PLCB4: variants seen among roughly 807,000 people sequenced by gnomAD.
PLCB4 encodes phospholipase C beta 4.
PLCB4 carries 77 observed loss-of-function variants against 178.8 expected under a neutral mutation model. That is an observed-to-expected ratio of 0.43 (90% confidence interval 0.36 to 0.52). The LOEUF (loss-of-function observed/expected upper bound fraction) is 0.52. PLCB4 is among the 20% of genes least tolerant of loss of function. The pLI, the probability that PLCB4 is intolerant of heterozygous loss-of-function variation, is 0.00. For synonymous variants in PLCB4, 496 were observed against 490.8 expected, an observed-to-expected ratio of 1.01 and a Z score of -0.14; for missense variants, 1,024 against 1,453.4, an observed-to-expected ratio of 0.70 and a Z score of 4.80.
chr20:9,142,693 T>A (rs2146880418), intron 2 of PLCB4, among the ~76,000 whole-genome samples: 1 of 152,296 alleles, frequency 6.6e-6, no homozygotes, highest in Middle Eastern at 3.4e-3. Flanking sequence ...ATCACCCTTC[T>A]TCACCTGGAT....
At chr20:9,430,109 G>A (rs551647368) in intron 28 of PLCB4, among the ~76,000 whole-genome samples, 1 of 152,128 alleles carries the variant, frequency 6.6e-6, no homozygotes, top group Non-Finnish European at 1.5e-5. Flanking sequence ...AATAAAAAAA[G>A]TTTGTGCATA....
chr20:9,129,026 C>G (rs2092205131), intron 2 of PLCB4, among the ~76,000 whole-genome samples: 1 of 152,192 alleles, frequency 6.6e-6, no homozygotes, highest in African/African-American at 2.4e-5. Flanking sequence ...AGGCTGAATA[C>G]TGTTCCATTA....
At chr20:9,169,018 C>T (rs545240175) in intron 2 of PLCB4, among the ~76,000 whole-genome samples, 24 of 140,342 alleles carry the variant, frequency 1.7e-4, no homozygotes, top group African/African-American at 5.7e-4. Flanking sequence ...AGGGCTCATC[C>T]TCTTCTCCTG....
intron 4 of PLCB4, 69 bp downstream of exon 4, chr20:9,307,967 G>T: frequency 1.5e-6 from 1 of 647,346 alleles, no homozygotes; most frequent in South Asian, 2.3e-5. Context: ...TTACAGTATT[G>T]AGTAAATATT....
intron 1 of PLCB4, among the ~76,000 whole-genome samples, chr20:9,078,368 C>CTTTTT (rs1453090667): frequency 2.1e-5 from 3 of 142,154 alleles, no homozygotes. Flanking sequence ...CTTTTCTTTT[C>CTTTTT]TTCTTCTCTT....
intron 3 of PLCB4, among the ~76,000 whole-genome samples, chr20:9,301,606 C>T (rs1433935380): frequency 1.3e-5 from 2 of 152,156 alleles, no homozygotes; most frequent in Middle Eastern, 3.4e-3. Flanking sequence ...TCACCCCAAC[C>T]GAATGGATAG....
At chr20:9,327,145 TAATC>T (rs2030735940) in intron 4 of PLCB4, among the ~76,000 whole-genome samples, 1 of 152,128 alleles carries the variant, frequency 6.6e-6, no homozygotes, top group South Asian at 2.1e-4. Flanking sequence ...TTTATATTAA[TAATC>T]AATACTGGGC....
chr20:9,359,118 G>A (rs1159691929), intron 7 of PLCB4, among the ~76,000 whole-genome samples: 3 of 152,124 alleles, frequency 2.0e-5, no homozygotes, highest in African/African-American at 4.8e-5. Context: ...CTCAGTGTAA[G>A]TTCATAGTAT....
intron 28 of PLCB4, among the ~76,000 whole-genome samples, chr20:9,428,321 A>G (rs2041169982): frequency 6.6e-6 from 1 of 152,196 alleles, no homozygotes; most frequent in Non-Finnish European, 1.5e-5. Flanking sequence ...TGTACTACAG[A>G]AAATATTAGT....
intron 33 of PLCB4, among the ~76,000 whole-genome samples, chr20:9,455,561 A>G (rs1263137478): frequency 1.3e-5 from 2 of 152,150 alleles, no homozygotes; most frequent in African/African-American, 2.4e-5. Context: ...TAACCCCCCA[A>G]ACAGGCTATT....
chr20:9,195,863 A>G (rs954783248), intron 2 of PLCB4, among the ~76,000 whole-genome samples: 3 of 152,178 alleles, frequency 2.0e-5, no homozygotes, highest in African/African-American at 7.2e-5. Context: ...GTCTCAGACA[A>G]CTGGCTTCAG....
chr20:9,203,052 A>ATATATATATAT, intron 2 of PLCB4, among the ~76,000 whole-genome samples: 5 of 131,212 alleles, frequency 3.8e-5, no homozygotes, highest in African/African-American at 1.6e-4. Flanking sequence ...AAAAAAAAAA[A>ATATATATATAT]AAAAATATAT....
At chr20:9,080,369 T>A (rs896146948) in intron 1 of PLCB4, among the ~76,000 whole-genome samples, 1 of 152,118 alleles carries the variant, frequency 6.6e-6, no homozygotes, top group African/African-American at 2.4e-5. Flanking sequence ...TCTTCTTACC[T>A]CCAAATTGTG....
intron 3 of PLCB4, among the ~76,000 whole-genome samples, chr20:9,290,654 A>G (rs574817927): frequency 1.3e-5 from 2 of 152,270 alleles, no homozygotes; most frequent in South Asian, 2.1e-4. Context: ...AAATGCCACT[A>G]TGTCATTACT....
chr20:9,273,191 A>T (rs1032227191), intron 3 of PLCB4, among the ~76,000 whole-genome samples: 1 of 152,090 alleles, frequency 6.6e-6, no homozygotes. Context: ...AAAGACTTAC[A>T]ATGTGAGAAT....
In PLCB4 at chr20:9,372,354, A is replaced by T. The variant is rs145396163; in HGVS notation, c.637A>T (p.Thr213Ser). Reference sequence around the variant, plus strand: ...TTCTTATGAAAAGTTCTATGAACTGACACAAAAGATTTGTCCTCGGACAGA... The same window carrying T: ...TTCTTATGAAAAGTTCTATGAACTGTCACAAAAGATTTGTCCTCGGACAGA... ...AFSYEKFYELTQKICPRTDIE... is the reference protein window; with the variant it reads ...AFSYEKFYELSQKICPRTDIE... Residue 213 changes from threonine (T) to serine (S), a missense_variant, in exon 11 of 40, where the codon ACA (threonine) becomes TCA (serine). By Grantham distance (58) the Thr-to-Ser change is moderately conservative. Around this residue, in one of 7 missense-constraint regions of PLCB4, gnomAD observed 225 missense variants for 291.0 expected, o/e 0.77. Coordinates refer to ENST00000378473, the MANE Select transcript of PLCB4 (RefSeq NM_001377142.1). 12 of 1,604,892 alleles carry T rather than the reference A, an allele frequency of 7.5e-6. No individual in the cohort carries two copies. The highest frequency in any genetic ancestry group is 6.8e-6 in the Non-Finnish European group (8 of 1,172,284).
chr20:9,459,511 G>A (rs2122439878), intron 34 of PLCB4, 124 bp from the exon 35 acceptor site: 2 of 568,790 alleles, frequency 3.5e-6, no homozygotes, highest in Non-Finnish European at 3.1e-6. Context: ...GTGGTTATAG[G>A]TGTCTCATGA....
chr20:9,439,149 A>G (rs963888386), intron 30 of PLCB4, among the ~76,000 whole-genome samples: 7 of 152,194 alleles, frequency 4.6e-5, no homozygotes, highest in Non-Finnish European at 1.0e-4. Flanking sequence ...ACCACCATTT[A>G]TTGAGATCAT....
chr20:9,343,127 A>G (rs1455840877), intron 7 of PLCB4, among the ~76,000 whole-genome samples: 2 of 152,134 alleles, frequency 1.3e-5, no homozygotes, highest in African/African-American at 4.8e-5. Context: ...TTGGTCTGAC[A>G]AGTGAAATGT....
Sources: allele counts gnomAD v4.1 joint callset (sites outside exome capture counted in the v4.1 genomes callset), GRCh38; gene constraint gnomAD v4.1.1; regional missense constraint gnomAD v4.1.1; transcripts MANE v1.5; gene names NCBI Gene and HGNC (gene_info 2026-07-23, HGNC 2026-07-21).